The following B3GLCT variants were observed in gnomAD, a reference collection of about 807,000 sequenced individuals.
B3GLCT encodes beta 3-glucosyltransferase, also known as beta-1,3-glucosyltransferase.
Under a neutral mutation model 63.4 loss-of-function variants are expected in B3GLCT, and 65 were observed. The observed-to-expected ratio is 1.03, with a 90% CI of 0.84 to 1.26. The LOEUF is 1.26. B3GLCT is among the 50% of genes most tolerant of loss of function. The pLI is 0.00. For synonymous variants in B3GLCT, 233 were observed against 219.2 expected, an observed-to-expected ratio of 1.06 and a Z score of -0.55; for missense variants, 577 against 604.8, an observed-to-expected ratio of 0.95 and a Z score of 0.48.
At chr13:31,269,374 C>A (rs1470775863) in intron 8 of B3GLCT, 97 bp downstream of exon 8, 2 of 823,588 alleles carry the variant, frequency 2.4e-6, no homozygotes, top group East Asian at 2.6e-5. Flanking sequence ...TGCATTTTCC[C>A]CACCCACATC....
At chr13:31,215,460 C>T (rs1430009235) in intron 2 of B3GLCT, among the ~76,000 whole-genome samples, 8 of 152,152 alleles carry the variant, frequency 5.3e-5, no homozygotes, top group African/African-American at 1.9e-4. Context: ...GTCGCCCAGG[C>T]TGGAGTGCAG....
intron 1 of B3GLCT, among the ~76,000 whole-genome samples, chr13:31,202,499 C>T (rs932695234): frequency 4.6e-5 from 7 of 152,196 alleles, no homozygotes; most frequent in Non-Finnish European, 8.8e-5. Context: ...AGATTGACAG[C>T]CACCTGCGAA....
chr13:31,258,495 C>A lies in B3GLCT; in HGVS notation c.460-2451C>A, dbSNP rs144166097. Among the ~76,000 whole-genome samples, 217 of 152,234 alleles carry A rather than the reference C, an allele frequency of 1.4e-3. 1 individual carries two copies. Among genetic ancestry groups the A allele is most frequent in the African/African-American group, 5.1e-3 (210 of 41,546 alleles). ...CTGCCTTGACCATTATTAGATCCTC[C>A]TGTTTCAGTGGTTTCCCATTCCACC... On this transcript the variant is annotated intron_variant, in intron 6 of 14. Coordinates refer to ENST00000343307, the MANE Select transcript of B3GLCT (RefSeq NM_194318.4).
At chr13:31,254,613 G>C (rs532474433) in intron 6 of B3GLCT, among the ~76,000 whole-genome samples, 1 of 152,306 alleles carries the variant, frequency 6.6e-6, no homozygotes, top group South Asian at 2.1e-4. Flanking sequence ...AGACAAGGAT[G>C]CTCTTCCTCA....
At chr13:31,246,430 C>A (rs907400445) in intron 4 of B3GLCT, among the ~76,000 whole-genome samples, 1 of 152,098 alleles carries the variant, frequency 6.6e-6, no homozygotes, top group Non-Finnish European at 1.5e-5. Context: ...TTTGTCAATT[C>A]CATTATTATG....
chr13:31,221,546 A>C (rs1006821478), intron 2 of B3GLCT, among the ~76,000 whole-genome samples: 12 of 152,232 alleles, frequency 7.9e-5, no homozygotes, highest in African/African-American at 2.9e-4. Flanking sequence ...AGAGTTAACA[A>C]ATCAGCATAT....
chr13:31,241,133 C>T (rs1455065130), intron 4 of B3GLCT, among the ~76,000 whole-genome samples: 2 of 152,170 alleles, frequency 1.3e-5, no homozygotes, highest in African/African-American at 4.8e-5. Context: ...GTGTCATGAC[C>T]CTTTGTCTCT....
chr13:31,254,251 C>A (rs979189869), intron 6 of B3GLCT, among the ~76,000 whole-genome samples: 7 of 152,202 alleles, frequency 4.6e-5, no homozygotes, highest in African/African-American at 1.7e-4. Context: ...AGGCCAATGT[C>A]CCTGATGAAC....
At chr13:31,279,758 T>C (rs1163308156) in intron 10 of B3GLCT, among the ~76,000 whole-genome samples, 1 of 152,184 alleles carries the variant, frequency 6.6e-6, no homozygotes, top group Non-Finnish European at 1.5e-5. Context: ...AATTTCCTCA[T>C]ACTAATAAAC....
intron 12 of B3GLCT, among the ~76,000 whole-genome samples, chr13:31,297,375 G>GT (rs35163232): frequency 0.077 from 9,824 of 127,738 alleles, 940 homozygotes; most frequent in African/African-American, 0.22. Context: ...TATTTTCTGG[G>GT]TTTTTTTTTT....
At chr13:31,283,556 TA>T (rs1411813877) in intron 10 of B3GLCT, among the ~76,000 whole-genome samples, 2 of 151,456 alleles carry the variant, frequency 1.3e-5, no homozygotes, top group Non-Finnish European at 2.9e-5. Flanking sequence ...AATTAATATT[TA>T]ACTGGTAATT....
Position 31,252,797 on chromosome 13 carries a change from G to C in B3GLCT, c.459+4831G>C, listed in dbSNP as rs113754318. 9.9e-3 allele frequency among the ~76,000 whole-genome samples: 1,514 copies of C among 152,294 alleles called. 19 individuals are homozygous for C. Among genetic ancestry groups the C allele is most frequent in the African/African-American group, 0.034 (1,398 of 41,552 alleles). Reference sequence around the variant, plus strand: ...AACACCCCACTGTCAGTATTAGACAGATCAACAAGACAGAAAATTAACAAG... The same window carrying C: ...AACACCCCACTGTCAGTATTAGACACATCAACAAGACAGAAAATTAACAAG... On this transcript the variant is annotated intron_variant, in intron 6 of 14. Coordinates refer to ENST00000343307, the MANE Select transcript of B3GLCT (RefSeq NM_194318.4).
At chr13:31,206,467 G>A (rs1868957052) in intron 1 of B3GLCT, among the ~76,000 whole-genome samples, 1 of 151,916 alleles carries the variant, frequency 6.6e-6, no homozygotes, top group African/African-American at 2.4e-5. Context: ...AAGCCCGGGC[G>A]CAGTGGCTCA....
chr13:31,212,481 G>T (rs1160744996), intron 1 of B3GLCT, among the ~76,000 whole-genome samples: 1 of 151,952 alleles, frequency 6.6e-6, no homozygotes, highest in Non-Finnish European at 1.5e-5. Flanking sequence ...CACTGTTTTG[G>T]CCAAGCTGGT....
rs1446221561 is a variant in B3GLCT, at chr13:31,274,648, C to A, written c.780+20C>A. On this transcript the variant is annotated intron_variant, in intron 9 of 14. Coordinates refer to ENST00000343307, the MANE Select transcript of B3GLCT (RefSeq NM_194318.4). The stretch of plus-strand genomic sequence containing the variant: ...CTTTGTGTGAGTAACAGAAGAAAAA[C>A]TTCTTTGCATATCAAAGGAAAAATT... 1 of 1,614,096 alleles carries A rather than the reference C, an allele frequency of 6.2e-7. No homozygotes were observed. Among genetic ancestry groups the A allele is most frequent in the South Asian group, 1.1e-5 (1 of 91,082 alleles).
rs1428156193 is a variant in B3GLCT at position 31,286,821 on chromosome 13, T to C, written c.1064+2T>C. On this transcript the variant is annotated splice_donor_variant, in intron 12 of 14. Coordinates refer to ENST00000343307, the MANE Select transcript of B3GLCT (RefSeq NM_194318.4). LOFTEE classifies it high-confidence loss of function. Reference sequence around the variant, plus strand: ...TGTGGATGATGATACATTAATAAGGTAAGGAGTCATTCTCATCCTAAATGG... The same window carrying C: ...TGTGGATGATGATACATTAATAAGGCAAGGAGTCATTCTCATCCTAAATGG... The C allele has an allele frequency of 1.3e-6, 2 of 1,591,272 alleles. No individual in the cohort carries two copies. Among genetic ancestry groups the C allele is most frequent in the African/African-American group, 1.3e-5 (1 of 74,454 alleles).
chr13:31,247,680 G>A (rs1036978562), intron 5 of B3GLCT, among the ~76,000 whole-genome samples, 175 bp from the exon 6 acceptor site: 1 of 152,196 alleles, frequency 6.6e-6, no homozygotes, highest in Admixed American at 6.5e-5. Context: ...ACGAACTCCA[G>A]CTGTTTTTTA....
intron 12 of B3GLCT, among the ~76,000 whole-genome samples, chr13:31,302,267 C>T (rs765751036): frequency 2.2e-4 from 33 of 152,170 alleles, no homozygotes; most frequent in Non-Finnish European, 1.2e-4. Context: ...GCCTGGATAA[C>T]GGTCATATTC....
chr13:31,265,137 G>A (rs9572914), intron 7 of B3GLCT, among the ~76,000 whole-genome samples: 54,127 of 152,050 alleles, frequency 0.36, 10,312 homozygotes, highest in East Asian at 0.72. Flanking sequence ...CTGCATGTGT[G>A]TTCTAATCTC....
Sources: gnomAD v4.1 joint callset for allele counts (sites outside exome capture counted in the v4.1 genomes callset) on GRCh38, gnomAD v4.1.1 for gene constraint, MANE v1.5 for transcripts, NCBI Gene and HGNC (gene_info 2026-07-23, HGNC 2026-07-21) for gene names.